The following ENOX2 variants were observed in gnomAD, a reference collection of about 807,000 sequenced individuals.
The protein encoded by ENOX2 is ecto-NOX disulfide-thiol exchanger 2.
Under a neutral mutation model 45.0 loss-of-function variants are expected in ENOX2, and 36 were observed. The ratio of observed to expected loss-of-function variants is 0.80; its 90% CI spans 0.61 to 1.06. The LOEUF (loss-of-function observed/expected upper bound fraction) is 1.06, where lower values mean the gene tolerates loss of function less well. Among genes scored for constraint, ENOX2 ranks in the 50% least tolerant of loss-of-function variants. The pLI, the probability that ENOX2 is intolerant of heterozygous loss-of-function variation, is 0.00. For synonymous variants in ENOX2, 174 were observed against 152.3 expected, an observed-to-expected ratio of 1.14 and a Z score of -1.05; for missense variants, 423 against 462.5, an observed-to-expected ratio of 0.91 and a Z score of 0.78.
chrX:130,870,897 G>C (rs1168757208), intron 2 of ENOX2, among the ~76,000 whole-genome samples: 1 of 106,107 alleles, frequency 9.4e-6, no homozygotes, highest in Non-Finnish European at 2.0e-5. Context: ...AGAGAGGGAG[G>C]GAGGGAGGGA....
At chrX:130,773,344 C>T (rs1195457015) in intron 3 of ENOX2, among the ~76,000 whole-genome samples, 2 of 111,731 alleles carry the variant, frequency 1.8e-5, no homozygotes, top group African/African-American at 6.5e-5. Flanking sequence ...TGTTACTCTG[C>T]CTCCCTCTTT....
intron 2 of ENOX2, among the ~76,000 whole-genome samples, chrX:130,900,668 T>C (rs768808624): frequency 8.9e-6 from 1 of 112,430 alleles, no homozygotes; most frequent in South Asian, 3.7e-4. Flanking sequence ...ACTCCTTCCC[T>C]GCCTGGGGCA....
At chrX:130,844,073 C>T (rs1037420885) in intron 2 of ENOX2, among the ~76,000 whole-genome samples, 2 of 111,768 alleles carry the variant, frequency 1.8e-5, no homozygotes, top group Non-Finnish European at 3.8e-5. Context: ...ACAATCTTTG[C>T]CTTCAGCCTG....
intron 6 of ENOX2, among the ~76,000 whole-genome samples, chrX:130,678,970 G>A (rs149782207): frequency 1.4e-4 from 16 of 111,686 alleles, no homozygotes; most frequent in South Asian, 3.8e-4. Flanking sequence ...AGGATTTCAC[G>A]TTCTGGTGGG....
At chrX:130,700,247 T>C (rs984598621) in intron 4 of ENOX2, among the ~76,000 whole-genome samples, 4 of 112,404 alleles carry the variant, frequency 3.6e-5, no homozygotes, top group Non-Finnish European at 5.6e-5. Context: ...ATTTTATACA[T>C]AGCTTTACAA....
intron 2 of ENOX2, among the ~76,000 whole-genome samples, chrX:130,814,679 A>G (rs2077451574): frequency 8.9e-6 from 1 of 112,352 alleles, no homozygotes; most frequent in South Asian, 3.7e-4. Context: ...GAAAACTAAC[A>G]AACAGAAAGG....
At chrX:130,848,831 C>A (rs187895506) in intron 2 of ENOX2, among the ~76,000 whole-genome samples, 1,506 of 110,355 alleles carry the variant, frequency 0.014, 20 homozygotes, top group East Asian at 0.12. Context: ...CAAAAAAAAA[C>A]CAAAAAAAAA....
At chrX:130,786,261 T>G (rs892795090) in intron 2 of ENOX2, among the ~76,000 whole-genome samples, 2 of 112,485 alleles carry the variant, frequency 1.8e-5, no homozygotes, top group Admixed American at 1.9e-4. Context: ...TCAACATTAC[T>G]TAAAATAATT....
intron 2 of ENOX2, among the ~76,000 whole-genome samples, chrX:130,822,166 G>C (rs1026777000): frequency 5.4e-5 from 6 of 110,574 alleles, no homozygotes; most frequent in African/African-American, 2.0e-4. Flanking sequence ...CGGACTGCTG[G>C]AGCAAAGGCA....
At chrX:130,839,363 T>G (rs964409365) in intron 2 of ENOX2, among the ~76,000 whole-genome samples, 3 of 111,566 alleles carry the variant, frequency 2.7e-5, no homozygotes, top group Admixed American at 1.9e-4. Context: ...TTGGACTACT[T>G]AAGTTTTAAT....
At chrX:130,746,859 T>C (rs926708593) in intron 3 of ENOX2, among the ~76,000 whole-genome samples, 1 of 112,344 alleles carries the variant, frequency 8.9e-6, no homozygotes, top group Non-Finnish European at 1.9e-5. Context: ...AGGGCTCCCA[T>C]GAGGACCTTC....
intron 2 of ENOX2, among the ~76,000 whole-genome samples, chrX:130,789,055 T>C (rs918256280): frequency 9.6e-6 from 1 of 104,285 alleles, no homozygotes; most frequent in African/African-American, 3.6e-5. Flanking sequence ...AGTATGTATA[T>C]TGGGAAAGGG....
chrX:130,863,275 C>A (rs1018853965), intron 2 of ENOX2, among the ~76,000 whole-genome samples: 1 of 112,269 alleles, frequency 8.9e-6, no homozygotes, highest in Non-Finnish European at 1.9e-5. Flanking sequence ...CAAACTCTTC[C>A]TTTTTCACTT....
intron 2 of ENOX2, among the ~76,000 whole-genome samples, chrX:130,845,543 G>A (rs1330230175): frequency 8.9e-6 from 1 of 112,406 alleles, no homozygotes; most frequent in Non-Finnish European, 1.9e-5. Flanking sequence ...TTGGCTCACC[G>A]CAACCTCTGC....
intron 2 of ENOX2, among the ~76,000 whole-genome samples, chrX:130,891,568 A>G (rs1325855002): frequency 1.1e-5 from 1 of 93,255 alleles, no homozygotes; most frequent in African/African-American, 4.3e-5. Context: ...TGACACAATC[A>G]TAGTTCACTG....
At chrX:130,632,404 C>T (rs1221303278) in intron 12 of ENOX2, among the ~76,000 whole-genome samples, 2 of 88,983 alleles carry the variant, frequency 2.2e-5, no homozygotes, top group African/African-American at 3.9e-5. Flanking sequence ...CAGGTGAAAT[C>T]CATGACCAGC....
At chrX:130,756,113 C>CA (rs1184409197) in intron 3 of ENOX2, among the ~76,000 whole-genome samples, 2 of 112,267 alleles carry the variant, frequency 1.8e-5, no homozygotes, top group African/African-American at 6.5e-5. Flanking sequence ...TCTGCTTTCT[C>CA]ACTGACTTAT....
At chrX:130,806,080 T>C (rs1421163072) in intron 2 of ENOX2, among the ~76,000 whole-genome samples, 1 of 111,794 alleles carries the variant, frequency 8.9e-6, no homozygotes, top group Non-Finnish European at 1.9e-5. Flanking sequence ...GAGTGCATTA[T>C]CATTTAAACA....
chrX:130,901,459 A>G lies in ENOX2; in HGVS notation c.-183+225T>C, dbSNP rs188927244. Among the ~76,000 whole-genome samples the G allele has an allele frequency of 2.9e-4, 33 of 112,884 alleles. No individual in the cohort carries two copies. The East Asian group carries it at 8.6e-3, about 29-fold the overall frequency. ...CAAAGTATTTATGATGATGACTAGG[A>G]CATTATGTGGGTTCAATAAATAGCA... is the stretch of plus-strand genomic sequence containing the variant. On this transcript the variant is annotated intron_variant, in intron 2 of 14. Transcript: ENST00000394363.
Sources: gnomAD v4.1 joint callset for allele counts (sites outside exome capture counted in the v4.1 genomes callset) on GRCh38, gnomAD v4.1.1 for gene constraint, MANE v1.5 for transcripts, NCBI Gene and HGNC (gene_info 2026-07-23, HGNC 2026-07-21) for gene names.